The following CCDC179 variants were observed in gnomAD, a reference collection of about 807,000 sequenced individuals.
CCDC179 encodes coiled-coil domain containing 179.
CCDC179 carries 17 observed loss-of-function variants against 12.0 expected under a neutral mutation model. That is an observed-to-expected ratio of 1.42 (90% CI 0.97 to 2.13). CCDC179 has a LOEUF of 2.13. Ranked by LOEUF, CCDC179 falls within the 30% of genes most tolerant of loss-of-function variation. CCDC179 has a pLI of 0.00. For missense variants in CCDC179, 83 were observed against 78.6 expected (o/e 1.06, Z -0.21); for synonymous variants, 27 against 26.4 (o/e 1.02, Z -0.07).
intron 3 of CCDC179, among the ~76,000 whole-genome samples, chr11:22,852,359 A>T (rs1858427128): frequency 6.6e-6 from 1 of 152,218 alleles, no homozygotes; most frequent in Non-Finnish European, 1.5e-5. Flanking sequence ...TGTAAAACTA[A>T]TGAAAGGCCA....
chr11:22,859,028 T>C (rs762581441), intron 2 of CCDC179, among the ~76,000 whole-genome samples: 1 of 152,070 alleles, frequency 6.6e-6, no homozygotes, highest in Non-Finnish European at 1.5e-5. Flanking sequence ...AGTGCACTTA[T>C]AGAGACACCT....
chr11:22,856,207 A>G (rs996072635), intron 3 of CCDC179, among the ~76,000 whole-genome samples: 1 of 151,552 alleles, frequency 6.6e-6, no homozygotes, highest in African/African-American at 2.4e-5. Flanking sequence ...CCAGAAAAAG[A>G]TATTAAAAGA....
chr11:22,848,214 C>T (rs1005911372), intron 3 of CCDC179, among the ~76,000 whole-genome samples: 4 of 152,162 alleles, frequency 2.6e-5, no homozygotes, highest in African/African-American at 9.6e-5. Flanking sequence ...GAGGCGGAGA[C>T]AGGAGGATTA....
At chr11:22,851,696 G>A (rs913933720) in intron 3 of CCDC179, among the ~76,000 whole-genome samples, 1 of 152,222 alleles carries the variant, frequency 6.6e-6, no homozygotes, top group Non-Finnish European at 1.5e-5. Context: ...ACAGACAAGT[G>A]GATGTGGAGA....
At chr11:22,854,699 A>G (rs1423298619) in intron 3 of CCDC179, among the ~76,000 whole-genome samples, 1 of 151,852 alleles carries the variant, frequency 6.6e-6, no homozygotes, top group African/African-American at 2.4e-5. Context: ...TCCACAACTA[A>G]AAGACAGTAA....
At chr11:22,848,054 G>A (rs947382011) in intron 3 of CCDC179, among the ~76,000 whole-genome samples, 10 of 152,146 alleles carry the variant, frequency 6.6e-5, no homozygotes, top group African/African-American at 2.4e-4. Context: ...GCCTACATCA[G>A]TATTGGCAGA....
intron 3 of CCDC179, among the ~76,000 whole-genome samples, chr11:22,849,791 G>C (rs1197754110): frequency 6.6e-6 from 1 of 152,068 alleles, no homozygotes; most frequent in Admixed American, 6.6e-5. Flanking sequence ...AGATACCCAG[G>C]GTTCGTTGTC....
intron 3 of CCDC179, among the ~76,000 whole-genome samples, chr11:22,856,792 CA>C (rs1425307768): frequency 1.3e-5 from 2 of 151,264 alleles, no homozygotes; most frequent in East Asian, 1.9e-4. Context: ...AAAAAACAAA[CA>C]AAAAACTCTT....
chr11:22,851,262 C>T (rs1858397094), intron 3 of CCDC179, among the ~76,000 whole-genome samples: 1 of 151,202 alleles, frequency 6.6e-6, no homozygotes, highest in Admixed American at 6.6e-5. Flanking sequence ...GTGTAAGTTC[C>T]CTTCATTATG....
intron 3 of CCDC179, among the ~76,000 whole-genome samples, chr11:22,847,863 T>C (rs1858263105): frequency 6.6e-6 from 1 of 152,172 alleles, no homozygotes; most frequent in South Asian, 2.1e-4. Context: ...GTCAAAGTCA[T>C]TTCTATACAT....
chr11:22,858,839 A>T (rs1330739690), intron 2 of CCDC179, among the ~76,000 whole-genome samples: 1 of 152,116 alleles, frequency 6.6e-6, no homozygotes, highest in East Asian at 1.9e-4. Context: ...AACAAGAGAA[A>T]GGATTAATGA....
At chr11:22,852,471 C>T (rs1010499543) in intron 3 of CCDC179, among the ~76,000 whole-genome samples, 8 of 152,114 alleles carry the variant, frequency 5.3e-5, no homozygotes, top group African/African-American at 1.7e-4. Flanking sequence ...TGCAACTTCC[C>T]CTATTCACTA....
At chr11:22,850,954 ATATATATATATATATATATATATTTTTT>A (rs1200785487) in intron 3 of CCDC179, among the ~76,000 whole-genome samples, 7 of 5,994 alleles carry the variant, frequency 1.2e-3, no homozygotes, top group African/African-American at 2.1e-3. Context: ...ATATATATAT[ATATATATATATATATATATATATTTTTT>A]TTTTTTTTTT....
chr11:22,859,499 A>C lies in CCDC179; in HGVS notation c.46-3T>G, dbSNP rs1323006397. 2.7e-6 allele frequency: 4 copies of C among 1,468,390 alleles called. No individual in the cohort carries two copies. The African/African-American group carries it at 4.2e-5, about 15-fold the overall frequency. The allele number at this position is 1,468,390 out of a possible 1,614,324, so 91.0% of individuals were successfully genotyped here. A position where few individuals can be genotyped will look rare whatever the true frequency, so the allele number is the denominator to read the frequency against. On this transcript the variant is annotated splice_region_variant and splice_polypyrimidine_tract_variant and intron_variant, in intron 1 of 3. Coordinates refer to ENST00000532798, the MANE Select transcript of CCDC179 (RefSeq NM_001195637.2). Reference sequence around the variant, plus strand: ...GGATGATGTTGTCTTGGTCCTTCCTATATAATAAACAAAATTAAAACACAT... The same window carrying C: ...GGATGATGTTGTCTTGGTCCTTCCTCTATAATAAACAAAATTAAAACACAT...
intron 3 of CCDC179, among the ~76,000 whole-genome samples, chr11:22,855,851 A>G (rs1452243381): frequency 6.6e-6 from 1 of 151,392 alleles, no homozygotes; most frequent in African/African-American, 2.4e-5. Context: ...AGAGACCATA[A>G]CTGCCAATCC....
intron 3 of CCDC179, among the ~76,000 whole-genome samples, chr11:22,850,799 A>G (rs1456855007): frequency 1.3e-5 from 2 of 151,318 alleles, no homozygotes; most frequent in Non-Finnish European, 2.9e-5. Flanking sequence ...ATCAAGAGGT[A>G]CAGGGTTCAG....
chr11:22,857,993 G>T lies in CCDC179; in HGVS notation c.124C>A (p.Leu42Ile). 1 of 1,523,106 alleles carries T rather than the reference G, an allele frequency of 6.6e-7. No individual in the cohort carries two copies. Among genetic ancestry groups the T allele is most frequent in the Non-Finnish European group, 8.8e-7 (1 of 1,141,952 alleles). 94.3% of individuals were successfully genotyped at this position (1,523,106 alleles called of 1,614,324 possible). ...TTCAGTCTCCTCTTCTCTTTCTTTA[G>T]GTGTTGCATATTCTGAATACGTTTA... ...ANKRIQNMQH[L>I]KKEKRRLNKR... The change falls in exon 3 of 4, where the codon CTA becomes ATA. Residue 42 changes from leucine (L) to isoleucine (I), a missense_variant. Coordinates refer to ENST00000532798, the MANE Select transcript of CCDC179 (RefSeq NM_001195637.2).
chr11:22,850,977 T>TACATA (rs67952406), intron 3 of CCDC179, among the ~76,000 whole-genome samples: 1 of 5,740 alleles, frequency 1.7e-4, no homozygotes, highest in Non-Finnish European at 4.1e-4. Context: ...TATATATATA[T>TACATA]TTTTTTTTTT....
intron 3 of CCDC179, among the ~76,000 whole-genome samples, chr11:22,847,781 T>C (rs1480657667): frequency 6.6e-6 from 1 of 152,142 alleles, no homozygotes; most frequent in Non-Finnish European, 1.5e-5. Flanking sequence ...AAAACAATTC[T>C]CTATAAGTCA....
Sources: gnomAD v4.1 joint callset for allele counts (sites outside exome capture counted in the v4.1 genomes callset) on GRCh38, gnomAD v4.1.1 for gene constraint, MANE v1.5 for transcripts, NCBI Gene and HGNC (gene_info 2026-07-23, HGNC 2026-07-21) for gene names.